The following XPNPEP2 variants were observed in gnomAD, a reference collection of about 807,000 sequenced individuals.
The protein encoded by XPNPEP2 is X-prolyl aminopeptidase 2.
In XPNPEP2, 64 loss-of-function variants were observed where a neutral mutation model predicts 59.8. The observed-to-expected ratio is 1.07, with a 90% CI of 0.87 to 1.32. The LOEUF (loss-of-function observed/expected upper bound fraction) is 1.32. Ranked by LOEUF, XPNPEP2 falls within the 40% of genes most tolerant of loss-of-function variation. XPNPEP2 has a pLI of 0.00. For missense variants in XPNPEP2, 575 were observed against 546.8 expected (o/e 1.05, Z -0.51); for synonymous variants, 235 against 210.0 (o/e 1.12, Z -1.03).
chrX:129,765,391 G>A (rs919058010), intron 19 of XPNPEP2, among the ~76,000 whole-genome samples: 5 of 111,539 alleles, frequency 4.5e-5, no homozygotes, highest in South Asian at 3.7e-4. Flanking sequence ...CATATCTGGC[G>A]TAGGGATTTC....
chrX:129,751,114 C>A (rs868070087), intron 8 of XPNPEP2, among the ~76,000 whole-genome samples: 9 of 88,464 alleles, frequency 1.0e-4, no homozygotes, highest in African/African-American at 2.8e-4. Flanking sequence ...ACCCCCCCCC[C>A]CCGGCAAAAA....
chrX:129,749,009 A>T (rs1476986271), intron 7 of XPNPEP2, among the ~76,000 whole-genome samples: 1 of 112,219 alleles, frequency 8.9e-6, no homozygotes, highest in East Asian at 2.8e-4. Flanking sequence ...CAAAGGGCAG[A>T]ACATGAAAAG....
At chrX:129,748,349 C>T (rs1237570061) in intron 7 of XPNPEP2, among the ~76,000 whole-genome samples, 2 of 112,104 alleles carry the variant, frequency 1.8e-5, no homozygotes, top group African/African-American at 6.5e-5. Context: ...TATCTAAATC[C>T]ATCACAAAAG....
At chrX:129,757,831 GA>G (rs751057214) in intron 14 of XPNPEP2, among the ~76,000 whole-genome samples, 9 of 81,727 alleles carry the variant, frequency 1.1e-4, no homozygotes, top group Admixed American at 2.9e-4. Context: ...AAGAAAGAAA[GA>G]AAGAAAGAAA....
rs1253878889 is a variant in XPNPEP2 at position 129,762,685 on chromosome X, G to A, written c.1664-9G>A. 2 of 1,208,771 alleles carry A rather than the reference G, an allele frequency of 1.7e-6. No homozygotes were observed. Among genetic ancestry groups the A allele is most frequent in the Non-Finnish European group, 2.2e-6 (2 of 893,832 alleles). ...AGCTTAATGCCACCAGCATCTCTGT[G>A]TCTCCCAGAACCTGGTTACTATAAG... On this transcript the variant is annotated splice_polypyrimidine_tract_variant and intron_variant, in intron 18 of 20. Coordinates refer to ENST00000371106, the MANE Select transcript of XPNPEP2 (RefSeq NM_003399.6).
At chrX:129,746,133 C>A (rs979584049) in intron 4 of XPNPEP2, 103 bp from the exon 5 acceptor site, 1 of 646,684 alleles carries the variant, frequency 1.5e-6, no homozygotes, top group Admixed American at 2.7e-5. Flanking sequence ...TTCCAGAGGC[C>A]CCTTGTGGCA....
chrX:129,766,639 C>G (rs139909724), intron 19 of XPNPEP2, among the ~76,000 whole-genome samples: 284 of 111,745 alleles, frequency 2.5e-3, no homozygotes, highest in African/African-American at 8.9e-3. Flanking sequence ...ACCTCAGACT[C>G]CCAAATAACT....
Position 129,756,483 on chromosome X carries a change from G to A in XPNPEP2, c.1296-1G>A, listed in dbSNP as rs1188197080. The A allele has an allele frequency of 3.3e-6, 4 of 1,211,223 alleles. No individual in the cohort carries two copies. Among genetic ancestry groups the A allele is most frequent in the Non-Finnish European group, 4.5e-6 (4 of 895,275 alleles). ...TTCTCAACATTCTCTCCCCTTCTCA[G>A]CCCGACCAAGGAGCTGAACCGCAAG... On this transcript the variant is annotated splice_acceptor_variant, in intron 13 of 20. Coordinates refer to ENST00000371106, the MANE Select transcript of XPNPEP2 (RefSeq NM_003399.6). LOFTEE classifies it high-confidence loss of function.
intron 19 of XPNPEP2, among the ~76,000 whole-genome samples, chrX:129,763,905 A>G (rs1926700915): frequency 9.0e-6 from 1 of 110,525 alleles, no homozygotes; most frequent in African/African-American, 3.3e-5. Flanking sequence ...CAGGGGGAAC[A>G]AATGGCTAAT....
Position 129,747,693 on chromosome X carries a change from G to T in XPNPEP2, c.577G>T (p.Gly193Ter). ...ITTNLVDLVW[G>*]SERPPVPNQP... ...AACCAATCTTGTGGACCTGGTATGG[G>T]GATCAGAGAGGCCACCGGTTCCAAA... The change falls in exon 7 of 21, where the codon GGA (glycine) becomes TGA (stop). Residue 193 changes from glycine to a stop codon, truncating the protein, a stop_gained. Transcript: ENST00000371106. LOFTEE classifies it high-confidence loss of function. The T allele has an allele frequency of 1.2e-5, 14 of 1,211,906 alleles. No homozygotes were observed. Among genetic ancestry groups the T allele is most frequent in the Non-Finnish European group, 1.5e-5 (13 of 895,566 alleles).
Position 129,768,736 on chromosome X carries a change from C to T in XPNPEP2, c.*251C>T, listed in dbSNP as rs2124056970. On this transcript the variant is annotated 3_prime_UTR_variant, in exon 21 of 21. Coordinates refer to ENST00000371106, the MANE Select transcript of XPNPEP2 (RefSeq NM_003399.6). ...ACACCCTGGGCCCCTAATCCCAGGC[C>T]CCGAGATAGGAAAGCCAGCTAGTCT... is the stretch of plus-strand genomic sequence containing the variant. The T allele has an allele frequency of 3.6e-6, 1 of 279,715 alleles. No homozygotes were observed. The highest frequency in any genetic ancestry group is 1.6e-4 in the South Asian group (1 of 6,275). 23.1% of individuals were successfully genotyped at this position (279,715 alleles called of 1,213,427 possible).
intron 9 of XPNPEP2, 134 bp downstream of exon 9, chrX:129,751,960 T>G: frequency 1.2e-6 from 1 of 811,944 alleles, no homozygotes; most frequent in Non-Finnish European, 1.8e-6. Context: ...GCACGACCCT[T>G]TAGAAAACCC....
At position 129,759,186 on chromosome X, in the gene XPNPEP2, G is replaced by T. The variant is rs759029554; in HGVS notation, c.1374G>T (p.Gly458=). The part of the protein sequence containing the change: ...LLDSGGQYWD[G]TTDITRTVHW... ...TGGTTTTCCTTCTCCATAGGGACGG[G>T]ACCACAGACATCACCAGAACAGTCC... The change falls in exon 15 of 21, where the codon GGG becomes GGT. Residue 458 remains glycine (G), a synonymous_variant. Transcript: ENST00000371106. 8.3e-7 allele frequency: 1 copy of T among 1,211,690 alleles called. No individual in the cohort carries two copies. The highest frequency in any genetic ancestry group is 1.1e-6 in the Non-Finnish European group (1 of 895,527).
At chrX:129,750,918 C>T (rs1396045608) in intron 8 of XPNPEP2, among the ~76,000 whole-genome samples, 2 of 111,629 alleles carry the variant, frequency 1.8e-5, no homozygotes, top group Non-Finnish European at 3.8e-5. Flanking sequence ...ACACTCCCAG[C>T]TTTAGCACCC....
chrX:129,754,231 GA>G (rs780344654), intron 11 of XPNPEP2, among the ~76,000 whole-genome samples: 14 of 112,110 alleles, frequency 1.2e-4, no homozygotes, highest in South Asian at 3.7e-4. Context: ...TCTGCTGCTG[GA>G]TTCTTTTAAA....
rs200622189 is a variant in XPNPEP2 at position 129,752,323 on chromosome X, G to A, written c.995G>A (p.Gly332Glu). 119 of 1,209,803 alleles carry A rather than the reference G, an allele frequency of 9.8e-5. No homozygotes were observed. Among genetic ancestry groups the A allele is most frequent in the Non-Finnish European group, 1.3e-4 (116 of 895,078 alleles). ...ATTGGGACCAGCTATACCATGTATGGGATCTATGAAATGATACCCAAGGTG... is the reference window on the plus strand; with the variant it reads ...ATTGGGACCAGCTATACCATGTATGAGATCTATGAAATGATACCCAAGGTG... ...IWIGTSYTMY[G>E]IYEMIPKEKL... Residue 332 changes from glycine (G) to glutamate (E), a missense_variant, in exon 10 of 21, where the codon GGG (glycine) becomes GAG (glutamate). Gly to Glu is a moderately conservative substitution (Grantham distance 98). Coordinates refer to ENST00000371106, the MANE Select transcript of XPNPEP2 (RefSeq NM_003399.6).
At position 129,752,484 on chromosome X, in the gene XPNPEP2, T is replaced by G. The variant is rs749896834; in HGVS notation, c.1017+139T>G. ...ACAACTGTGCAGTGAGTTCCCTTCT[T>G]GGCCTAACTGGGAAGAGCCAGAAGA... is the stretch of plus-strand genomic sequence containing the variant. On this transcript the variant is annotated intron_variant, in intron 10 of 20. Transcript: ENST00000371106. 286 of 627,455 alleles carry G rather than the reference T, an allele frequency of 4.6e-4. 1 individual carries two copies. The South Asian group carries it at 9.1e-3, about 20-fold the overall frequency. The allele number at this position is 627,455 out of a possible 1,213,427, so 51.7% of individuals were successfully genotyped here.
intron 20 of XPNPEP2, 23 bp from the exon 21 acceptor site, chrX:129,768,268 G>C (rs1375549623): frequency 8.8e-7 from 1 of 1,139,307 alleles, no homozygotes; most frequent in Admixed American, 2.9e-5. Flanking sequence ...TAGAGAGGCT[G>C]TCACCCCTTC....
At chrX:129,759,137 C>T in intron 14 of XPNPEP2, 43 bp from the exon 15 acceptor site, 1 of 1,207,406 alleles carries the variant, frequency 8.3e-7, no homozygotes, top group Non-Finnish European at 1.1e-6. Flanking sequence ...GGCCCCAGTC[C>T]CTAGCCCCAG....
Sources: gnomAD v4.1 joint callset for allele counts (sites outside exome capture counted in the v4.1 genomes callset) on GRCh38, gnomAD v4.1.1 for gene constraint, MANE v1.5 for transcripts, NCBI Gene and HGNC (gene_info 2026-07-23, HGNC 2026-07-21) for gene names.